Variants in CTNNBL1 observed in about 807,000 individuals in gnomAD.
The protein encoded by CTNNBL1 is catenin beta like 1, also known as beta-catenin-like protein 1.
A neutral mutation model predicts 72.7 loss-of-function variants in CTNNBL1; 31 were observed. The ratio of observed to expected loss-of-function variants is 0.43; its 90% CI spans 0.32 to 0.58. The LOEUF (loss-of-function observed/expected upper bound fraction) is 0.58. CTNNBL1 is among the 20% of genes least tolerant of loss of function. CTNNBL1 has a pLI of 0.08. For missense variants in CTNNBL1, 534 were observed against 725.1 expected (o/e 0.74, Z 3.03); for synonymous variants, 240 against 267.3 (o/e 0.90, Z 1.00).
chr20:37,844,154 G>C (rs2072327819), intron 13 of CTNNBL1, among the ~76,000 whole-genome samples: 1 of 152,136 alleles, frequency 6.6e-6, no homozygotes, highest in Non-Finnish European at 1.5e-5. Context: ...CTTTTGTAAG[G>C]AAAAAGCCAT....
intron 9 of CTNNBL1, 93 bp downstream of exon 9, chr20:37,777,805 T>C: frequency 7.7e-7 from 1 of 1,305,630 alleles, no homozygotes; most frequent in Admixed American, 1.7e-5. Flanking sequence ...GAATAAGCCA[T>C]GTGCTGCAAG....
intron 11 of CTNNBL1, among the ~76,000 whole-genome samples, chr20:37,837,348 C>T (rs1377152133): frequency 1.3e-5 from 2 of 152,144 alleles, no homozygotes; most frequent in Admixed American, 1.3e-4. Context: ...ACGGAGGTTA[C>T]ACCACCTCAA....
At chr20:37,757,793 G>A (rs1336017094) in intron 5 of CTNNBL1, 137 bp downstream of exon 5, 1 of 625,196 alleles carries the variant, frequency 1.6e-6, no homozygotes, top group Non-Finnish European at 2.9e-6. Context: ...TGAATAAGGA[G>A]AGTAAAAAAG....
At chr20:37,734,751 ATTCATCT>A (rs1397645789) in intron 2 of CTNNBL1, among the ~76,000 whole-genome samples, 1 of 152,242 alleles carries the variant, frequency 6.6e-6, no homozygotes, top group East Asian at 1.9e-4. Flanking sequence ...CATCATCAGC[ATTCATCT>A]TTCTGAAATC....
chr20:37,776,064 A>G (rs2073570857), intron 7 of CTNNBL1, among the ~76,000 whole-genome samples: 1 of 152,226 alleles, frequency 6.6e-6, no homozygotes, highest in Non-Finnish European at 1.5e-5. Context: ...ATTTTCGTTA[A>G]TATGAAACCA....
At chr20:37,704,464 C>T (rs900922024) in intron 1 of CTNNBL1, among the ~76,000 whole-genome samples, 3 of 151,958 alleles carry the variant, frequency 2.0e-5, no homozygotes, top group Non-Finnish European at 4.4e-5. Context: ...CCTGTAATCC[C>T]AGCACTTTGG....
intron 1 of CTNNBL1, among the ~76,000 whole-genome samples, chr20:37,719,957 C>CA (rs1186383618): frequency 1.3e-5 from 2 of 151,510 alleles, no homozygotes; most frequent in Non-Finnish European, 2.9e-5. Context: ...CCTCCCATCT[C>CA]AGCCTTCTGA....
intron 11 of CTNNBL1, among the ~76,000 whole-genome samples, chr20:37,822,291 A>ATAC (rs112135372): frequency 0.079 from 12,042 of 152,040 alleles, 617 homozygotes; most frequent in African/African-American, 0.13. Flanking sequence ...GAGTTATGGA[A>ATAC]TACTGCTGCC....
At chr20:37,854,135 G>A (rs1314978180) in intron 13 of CTNNBL1, among the ~76,000 whole-genome samples, 1 of 152,214 alleles carries the variant, frequency 6.6e-6, no homozygotes, top group African/African-American at 2.4e-5. Flanking sequence ...TCAGAGTCTT[G>A]AAGTTCTGAG....
intron 10 of CTNNBL1, among the ~76,000 whole-genome samples, chr20:37,794,781 C>T (rs6013085): frequency 5.3e-5 from 8 of 152,188 alleles, no homozygotes; most frequent in African/African-American, 1.9e-4. Flanking sequence ...GGATTACAGG[C>T]GTGAGCCACC....
At chr20:37,733,218 G>A (rs2073144968) in intron 2 of CTNNBL1, 151 bp downstream of exon 2, 1 of 681,068 alleles carries the variant, frequency 1.5e-6, no homozygotes, top group South Asian at 1.9e-5. Context: ...AAGGTTAAGT[G>A]GGCTAGTGCA....
At chr20:37,697,803 G>A (rs577734279) in intron 1 of CTNNBL1, among the ~76,000 whole-genome samples, 2 of 152,216 alleles carry the variant, frequency 1.3e-5, no homozygotes, top group South Asian at 2.1e-4. Context: ...TGTTAATATA[G>A]GAACCTTCAT....
intron 11 of CTNNBL1, among the ~76,000 whole-genome samples, chr20:37,835,846 G>A (rs2072248988): frequency 6.6e-6 from 1 of 152,160 alleles, no homozygotes; most frequent in Non-Finnish European, 1.5e-5. Flanking sequence ...AAGTGTGGGT[G>A]CCGATATGGA....
Position 37,718,034 on chromosome 20 carries a change from G to A in CTNNBL1, c.31-14845G>A, listed in dbSNP as rs1035947611. The stretch of plus-strand genomic sequence containing the variant: ...TTCTACACAGACACAGCAACCATCC[G>A]ATTTCTCAATCTTTTCCCCACCTTT... On this transcript the variant is annotated intron_variant, in intron 1 of 15. Transcript: ENST00000361383. 2.4e-3 allele frequency among the ~76,000 whole-genome samples: 358 copies of A among 152,238 alleles called. 3 individuals are homozygous for A. The highest frequency in any genetic ancestry group is 8.1e-3 in the African/African-American group (338 of 41,542).
intron 1 of CTNNBL1, among the ~76,000 whole-genome samples, chr20:37,711,866 A>T (rs982067821): frequency 6.6e-6 from 1 of 152,144 alleles, no homozygotes; most frequent in Non-Finnish European, 1.5e-5. Context: ...GGGACAGTTG[A>T]TAAGGACAGA....
At chr20:37,782,376 A>G (rs978948112) in intron 10 of CTNNBL1, among the ~76,000 whole-genome samples, 12 of 152,190 alleles carry the variant, frequency 7.9e-5, no homozygotes, top group African/African-American at 2.9e-4. Flanking sequence ...TCCCACACAT[A>G]TGTGCACACA....
intron 15 of CTNNBL1, among the ~76,000 whole-genome samples, chr20:37,861,996 CGT>C (rs1337340086): frequency 7.2e-5 from 11 of 152,150 alleles, no homozygotes; most frequent in African/African-American, 2.7e-4. Flanking sequence ...CTGGAAATCT[CGT>C]GTCTGCTCAG....
At chr20:37,718,666 A>C (rs1403548791) in intron 1 of CTNNBL1, among the ~76,000 whole-genome samples, 1 of 152,206 alleles carries the variant, frequency 6.6e-6, no homozygotes, top group African/African-American at 2.4e-5. Context: ...TGAGGGAGGA[A>C]TTTCTTACTG....
At chr20:37,717,302 G>A (rs1379515421) in intron 1 of CTNNBL1, among the ~76,000 whole-genome samples, 2 of 152,200 alleles carry the variant, frequency 1.3e-5, no homozygotes, top group African/African-American at 4.8e-5. Context: ...TATTCCACTG[G>A]CTGGAGACTT....
Sources: gnomAD v4.1 joint callset for allele counts (sites outside exome capture counted in the v4.1 genomes callset) on GRCh38, gnomAD v4.1.1 for gene constraint, MANE v1.5 for transcripts, NCBI Gene and HGNC (gene_info 2026-07-23, HGNC 2026-07-21) for gene names.